The following GALNT2 variants were observed in gnomAD, a reference collection of about 807,000 sequenced individuals.
GALNT2 encodes the protein UDP-GalNAc:polypeptide N-acetylgalactosaminyltransferase 2.
A neutral mutation model predicts 81.4 loss-of-function variants in GALNT2; 31 were observed. That is an observed-to-expected ratio of 0.38 (90% CI 0.29 to 0.51). The LOEUF (loss-of-function observed/expected upper bound fraction) is 0.51, where lower values mean the gene tolerates loss of function less well. GALNT2 is among the 20% of genes least tolerant of loss of function. The pLI is 0.87. For missense variants in GALNT2, 629 were observed against 765.7 expected (o/e 0.82, Z 2.11); for synonymous variants, 303 against 287.4 (o/e 1.05, Z -0.55).
chr1:230,265,065 G>A (rs1249012791), intron 13 of GALNT2, 176 bp from the exon 14 acceptor site: 1 of 687,110 alleles, frequency 1.5e-6, no homozygotes, highest in Non-Finnish European at 2.5e-6. Context: ...CAGAGCCTGG[G>A]AGAAATGCCG....
intron 2 of GALNT2, among the ~76,000 whole-genome samples, chr1:230,197,429 C>A (rs564948182): frequency 3.7e-4 from 57 of 152,264 alleles, no homozygotes; most frequent in African/African-American, 1.3e-3. Flanking sequence ...CCTGCTCGCC[C>A]CCCCGGGGTC....
intron 1 of GALNT2, among the ~76,000 whole-genome samples, chr1:230,082,748 A>G (rs558255147): frequency 2.2e-4 from 33 of 152,366 alleles, no homozygotes; most frequent in Admixed American, 9.8e-4. Context: ...GACAGCTGGG[A>G]TGATAGAGCA....
intron 1 of GALNT2, among the ~76,000 whole-genome samples, chr1:230,130,029 T>G (rs549807011): frequency 4.2e-4 from 64 of 152,360 alleles, no homozygotes; most frequent in Middle Eastern, 3.4e-3. Context: ...CTCCATGTTC[T>G]TACTTGTAGA....
rs115611307 is a variant in GALNT2, at chr1:230,243,751, G to T, written c.729+324G>T. On this transcript the variant is annotated intron_variant, in intron 7 of 15. Transcript: ENST00000366672. The surrounding 1 kb of genome is among the most constrained non-coding windows in gnomAD (Gnocchi z 4.2). Reference sequence around the variant, plus strand: ...GGAGCAGTTTCCTTCCCCGCCTACAGCTTCGCAGAGTGCTTAGAACATTGC... The same window carrying T: ...GGAGCAGTTTCCTTCCCCGCCTACATCTTCGCAGAGTGCTTAGAACATTGC... Among the ~76,000 whole-genome samples, 1 of 152,192 alleles carries T rather than the reference G, an allele frequency of 6.6e-6. No individual in the cohort carries two copies. Among genetic ancestry groups the T allele is most frequent in the East Asian group, 1.9e-4 (1 of 5,174 alleles).
In GALNT2 at chr1:230,279,709, TCTTC is replaced by T. The variant is rs1666385049; in HGVS notation, c.*257_*260del. The T allele has an allele frequency of 3.6e-6, 2 of 558,484 alleles. No homozygotes were observed. The highest frequency in any genetic ancestry group is 6.6e-6 in the Non-Finnish European group (2 of 303,176). The allele number at this position is 558,484 out of a possible 1,614,324, so 34.6% of individuals were successfully genotyped here. ...CCCCTTCCCCAGGCCGGAGCGCCCCTCTTCCTTCCAGCTTTCACTTCTGCCGGCT... is the reference window on the plus strand; with the variant it reads ...CCCCTTCCCCAGGCCGGAGCGCCCCTCTTCCAGCTTTCACTTCTGCCGGCT... On this transcript the variant is annotated 3_prime_UTR_variant, in exon 16 of 16. Coordinates refer to ENST00000366672, the MANE Select transcript of GALNT2 (RefSeq NM_004481.5). The surrounding 1 kb of genome is among the most constrained non-coding windows in gnomAD (Gnocchi z 4.6).
chr1:230,217,196 A>G (rs1664415340), intron 3 of GALNT2, among the ~76,000 whole-genome samples: 1 of 149,542 alleles, frequency 6.7e-6, no homozygotes, highest in Non-Finnish European at 1.5e-5. Flanking sequence ...TACAGAAGAG[A>G]AAAAAAAAGC....
intron 1 of GALNT2, among the ~76,000 whole-genome samples, chr1:230,135,367 GA>G (rs1365095544): frequency 6.6e-6 from 1 of 151,876 alleles, no homozygotes; most frequent in Non-Finnish European, 1.5e-5. Context: ...TCTACTTTGC[GA>G]TGCATGTTTC....
At chr1:230,082,643 C>T (rs1659770459) in intron 1 of GALNT2, among the ~76,000 whole-genome samples, 1 of 152,322 alleles carries the variant, frequency 6.6e-6, no homozygotes, top group Non-Finnish European at 1.5e-5. Context: ...GAGGGAGGCA[C>T]ACATATAAAT....
chr1:230,280,050 A>T lies in GALNT2; in HGVS notation c.*592A>T, dbSNP rs1666395755. 2.2e-6 allele frequency: 1 copy of T among 455,844 alleles called. No individual in the cohort carries two copies. The highest frequency in any genetic ancestry group is 2.3e-5 in the Admixed American group (1 of 42,554). The allele number at this position is 455,844 out of a possible 1,614,324, so 28.2% of individuals were successfully genotyped here. On this transcript the variant is annotated 3_prime_UTR_variant, in exon 16 of 16. Coordinates refer to ENST00000366672, the MANE Select transcript of GALNT2 (RefSeq NM_004481.5). ...TGAGGATGAAGTTTTCTATGGTGGG[A>T]CACTAAATATAAAGCTATATAGAGA...
intron 1 of GALNT2, among the ~76,000 whole-genome samples, chr1:230,126,623 C>CA (rs1661192092): frequency 6.6e-6 from 1 of 152,204 alleles, no homozygotes; most frequent in African/African-American, 2.4e-5. Flanking sequence ...CAGCCTCACT[C>CA]ACGTACCTCA....
intron 1 of GALNT2, among the ~76,000 whole-genome samples, chr1:230,119,356 C>T (rs367771497): frequency 2.0e-4 from 31 of 152,268 alleles, no homozygotes; most frequent in East Asian, 1.2e-3. Context: ...CATGTTCCTC[C>T]GTGCTCTGTT....
intron 1 of GALNT2, among the ~76,000 whole-genome samples, chr1:230,100,669 C>T (rs1023445552): frequency 6.6e-6 from 1 of 152,112 alleles, no homozygotes; most frequent in African/African-American, 2.4e-5. Context: ...GTAGTGTTCA[C>T]CTGATTTTGT....
intron 1 of GALNT2, among the ~76,000 whole-genome samples, chr1:230,074,053 C>G (rs1659456737): frequency 6.6e-6 from 1 of 151,068 alleles, no homozygotes; most frequent in African/African-American, 2.4e-5. Context: ...TGTGGTTGCT[C>G]TGGTTCAGTT....
At chr1:230,220,584 T>C (rs1310046340) in intron 3 of GALNT2, among the ~76,000 whole-genome samples, 1 of 152,036 alleles carries the variant, frequency 6.6e-6, no homozygotes, top group East Asian at 1.9e-4. Context: ...CACCACGTGC[T>C]GGGTGGGCTG....
At chr1:230,090,673 A>G (rs1660043580) in intron 1 of GALNT2, among the ~76,000 whole-genome samples, 1 of 152,216 alleles carries the variant, frequency 6.6e-6, no homozygotes, top group South Asian at 2.1e-4. Flanking sequence ...GAAGGTTTCT[A>G]TCTGTGTTTT....
At chr1:230,274,621 G>A (rs552351207) in intron 15 of GALNT2, 57 bp downstream of exon 15, 179 of 1,606,474 alleles carry the variant, frequency 1.1e-4, no homozygotes, top group African/African-American at 2.4e-4. Flanking sequence ...GGGTAGCCAC[G>A]GCCTGCGCCC....
Position 230,271,517 on chromosome 1 carries a change from C to G in GALNT2, c.1441-2928C>G, listed in dbSNP as rs1169708128. On this transcript the variant is annotated intron_variant, in intron 14 of 15. Transcript: ENST00000366672. The surrounding 1 kb of genome is among the most constrained non-coding windows in gnomAD (Gnocchi z 4.2). ...ACCCCACGGGTTATGGGCTTCCTCC[C>G]ACAAGATGCTTCTACTCCAGATGCC... Among the ~76,000 whole-genome samples, 2 of 152,238 alleles carry G rather than the reference C, an allele frequency of 1.3e-5. No individual in the cohort carries two copies. Among genetic ancestry groups the G allele is most frequent in the African/African-American group, 2.4e-5 (1 of 41,460 alleles).
chr1:230,258,417 A>G (rs4846942), intron 11 of GALNT2, among the ~76,000 whole-genome samples: 86,236 of 150,208 alleles, frequency 0.57, 27,233 homozygotes, highest in East Asian at 0.9. Flanking sequence ...TTAGTAGTAC[A>G]TTTCTCCATG....
At chr1:230,071,469 G>A (rs1300553127) in intron 1 of GALNT2, among the ~76,000 whole-genome samples, 1 of 152,174 alleles carries the variant, frequency 6.6e-6, no homozygotes, top group African/African-American at 2.4e-5. Flanking sequence ...CTGAACGAGG[G>A]GTTCCTGTGG....
Sources: allele counts gnomAD v4.1 joint callset (sites outside exome capture counted in the v4.1 genomes callset), GRCh38; gene constraint gnomAD v4.1.1; non-coding constraint Gnocchi (gnomAD v3.1); transcripts MANE v1.5; gene names NCBI Gene and HGNC (gene_info 2026-07-23, HGNC 2026-07-21).